ARID2: variants seen among roughly 807,000 people sequenced by gnomAD.
ARID2 encodes AT-rich interactive domain-containing protein 2.
In ARID2, 32 loss-of-function variants were observed where a neutral mutation model predicts 184.6. That is an observed-to-expected ratio of 0.17 (90% CI 0.13 to 0.23). The LOEUF (loss-of-function observed/expected upper bound fraction) is 0.23, where lower values mean the gene tolerates loss of function less well. ARID2 is among the 10% of genes least tolerant of loss of function. The probability of loss-of-function intolerance (pLI) is 1.00; values close to 1 mark genes in which losing one functional copy is unlikely to be tolerated. For missense variants in ARID2, 1,696 were observed against 2,197.6 expected (o/e 0.77, Z 4.56); for synonymous variants, 836 against 772.6 (o/e 1.08, Z -1.36).
chr12:45,857,082 C>T (rs1195276855), intron 15 of ARID2, among the ~76,000 whole-genome samples: 1 of 151,882 alleles, frequency 6.6e-6, no homozygotes, highest in Non-Finnish European at 1.5e-5. Context: ...CAGGATCATA[C>T]AAAATACATG....
In ARID2 at chr12:45,851,550, G is replaced by A. The variant is rs757943714; in HGVS notation, c.3427G>A (p.Val1143Met). The change falls in exon 15 of 21, where the codon GTG becomes ATG. Residue 1143 changes from valine to methionine, a missense_variant. Transcript: ENST00000334344. ...AMPPSGGVQT[V>M]PISNLQILPG... is the part of the protein sequence containing the mutation. ...GCCACCCTCAGGGGGAGTACAAACT[G>A]TGCCCATTTCGAACTTACAAATATT... 6.2e-7 allele frequency: 1 copy of A among 1,614,116 alleles called. No homozygotes were observed. The highest frequency in any genetic ancestry group is 8.5e-7 in the Non-Finnish European group (1 of 1,179,994).
At chr12:45,903,902 A>G (rs1944489194) in intron 20 of ARID2, among the ~76,000 whole-genome samples, 1 of 152,064 alleles carries the variant, frequency 6.6e-6, no homozygotes, top group African/African-American at 2.4e-5. Flanking sequence ...GGCAAATTTG[A>G]AATGTTTGCA....
chr12:45,888,067 C>T (rs1173649433), intron 16 of ARID2, among the ~76,000 whole-genome samples: 2 of 151,920 alleles, frequency 1.3e-5, no homozygotes, highest in African/African-American at 2.4e-5. Context: ...TGCTGGCGGG[C>T]GCCTGTAGTC....
At chr12:45,790,603 A>G (rs1942276066) in intron 3 of ARID2, among the ~76,000 whole-genome samples, 1 of 152,214 alleles carries the variant, frequency 6.6e-6, no homozygotes, top group Non-Finnish European at 1.5e-5. Context: ...GAAATATAAC[A>G]TTGTATGCAG....
chr12:45,806,659 T>C (rs1942607976), intron 3 of ARID2, among the ~76,000 whole-genome samples: 1 of 152,178 alleles, frequency 6.6e-6, no homozygotes, highest in Non-Finnish European at 1.5e-5. Flanking sequence ...CATATCTCTC[T>C]GTTTTTCTCT....
intron 20 of ARID2, 113 bp downstream of exon 20, chr12:45,893,834 CAAA>C: frequency 2.2e-6 from 2 of 915,480 alleles, no homozygotes; most frequent in Non-Finnish European, 3.1e-6. Context: ...ATCAATTTTG[CAAA>C]TACATCCAAA....
chr12:45,797,634 T>A (rs1942414598), intron 3 of ARID2, among the ~76,000 whole-genome samples: 1 of 152,150 alleles, frequency 6.6e-6, no homozygotes, highest in Non-Finnish European at 1.5e-5. Flanking sequence ...TATAAATATA[T>A]TGACACATTT....
chr12:45,894,634 T>C (rs1386933920), intron 20 of ARID2, among the ~76,000 whole-genome samples: 1 of 152,216 alleles, frequency 6.6e-6, no homozygotes, highest in Non-Finnish European at 1.5e-5. Flanking sequence ...CATTTAAAGC[T>C]AAAGTTGAAA....
At chr12:45,823,632 A>G (rs907864296) in intron 6 of ARID2, among the ~76,000 whole-genome samples, 2 of 152,190 alleles carry the variant, frequency 1.3e-5, no homozygotes, top group African/African-American at 4.8e-5. Flanking sequence ...CTACAGAAAT[A>G]TAAAGGATCA....
At chr12:45,875,630 A>G (rs1423360632) in intron 16 of ARID2, among the ~76,000 whole-genome samples, 3 of 152,338 alleles carry the variant, frequency 2.0e-5, no homozygotes, top group Admixed American at 6.5e-5. Context: ...TTAGTGTAGC[A>G]TTCTTTATCA....
chr12:45,794,211 T>TG (rs1181929089), intron 3 of ARID2, among the ~76,000 whole-genome samples: 1 of 152,228 alleles, frequency 6.6e-6, no homozygotes, highest in East Asian at 1.9e-4. Context: ...TACCACACAC[T>TG]GTGGACATAA....
At chr12:45,868,606 G>C (rs899956997) in intron 16 of ARID2, among the ~76,000 whole-genome samples, 2 of 151,958 alleles carry the variant, frequency 1.3e-5, no homozygotes, top group Non-Finnish European at 2.9e-5. Flanking sequence ...TTTTTGCTTT[G>C]TAATACATTA....
chr12:45,770,172 G>T (rs916108540), intron 3 of ARID2, among the ~76,000 whole-genome samples: 12 of 151,684 alleles, frequency 7.9e-5, no homozygotes, highest in African/African-American at 2.9e-4. Context: ...AGAATGGCGT[G>T]AATACGGGAG....
At chr12:45,887,045 A>G (rs763576220) in intron 16 of ARID2, among the ~76,000 whole-genome samples, 7 of 152,176 alleles carry the variant, frequency 4.6e-5, no homozygotes, top group Non-Finnish European at 1.0e-4. Flanking sequence ...ATGGGTTTTC[A>G]TTTCAGGAAA....
In ARID2 at chr12:45,736,123, C is replaced by G. The variant is rs540633611; in HGVS notation, c.284+4809C>G. Among the ~76,000 whole-genome samples the G allele has an allele frequency of 2.0e-5, 3 of 152,174 alleles. No individual in the cohort carries two copies. In the South Asian group the frequency reaches 6.2e-4, roughly 32 times the overall value. On this transcript the variant is annotated intron_variant, in intron 3 of 20. Transcript: ENST00000334344. ...CTGTAATCCCAACACTTTGGGAGGCCAAGGCAGGCGAATCACAAGGTCAGG... is the reference window on the plus strand; with the variant it reads ...CTGTAATCCCAACACTTTGGGAGGCGAAGGCAGGCGAATCACAAGGTCAGG...
At position 45,812,725 on chromosome 12, in the gene ARID2, C is replaced by G. The variant is rs540436385; in HGVS notation, c.418+1174C>G. 2.6e-5 allele frequency among the ~76,000 whole-genome samples: 4 copies of G among 152,230 alleles called. No homozygotes were observed. The South Asian group carries it at 8.3e-4, about 32-fold the overall frequency. On this transcript the variant is annotated intron_variant, in intron 4 of 20. Transcript: ENST00000334344. ...CTTGTTTCTAAAAAGAGCTAATGAC[C>G]ATTATCTAATTCAAGGATGTTAAAA...
intron 8 of ARID2, 95 bp downstream of exon 8, chr12:45,837,086 A>G (rs2138129344): frequency 2.8e-6 from 4 of 1,454,418 alleles, no homozygotes; most frequent in East Asian, 2.3e-5. Context: ...CCATATTTAT[A>G]GACTATTAAA....
At chr12:45,838,358 T>A (rs1258439210) in intron 10 of ARID2, among the ~76,000 whole-genome samples, 1 of 152,198 alleles carries the variant, frequency 6.6e-6, no homozygotes, top group African/African-American at 2.4e-5. Flanking sequence ...AAATCAGAGT[T>A]AATAAAGATT....
chr12:45,877,319 G>A (rs747614094), intron 16 of ARID2, among the ~76,000 whole-genome samples: 10 of 151,988 alleles, frequency 6.6e-5, no homozygotes, highest in South Asian at 2.1e-4. Flanking sequence ...GATCAGTGGC[G>A]GCATTGGATT....
Sources: gnomAD v4.1 joint callset for allele counts (sites outside exome capture counted in the v4.1 genomes callset) on GRCh38, gnomAD v4.1.1 for gene constraint, MANE v1.5 for transcripts, NCBI Gene and HGNC (gene_info 2026-07-23, HGNC 2026-07-21) for gene names.